The following DAB1 variants were observed in gnomAD, a reference collection of about 807,000 sequenced individuals.
The protein encoded by DAB1 is disabled homolog 1.
A neutral mutation model predicts 64.6 loss-of-function variants in DAB1; 15 were observed. The ratio of observed to expected loss-of-function variants is 0.23; its 90% confidence interval spans 0.16 to 0.36. DAB1 has a LOEUF of 0.36. Ranked by LOEUF, DAB1 falls within the 10% of genes least tolerant of loss-of-function variation. The pLI is 1.00. For missense variants in DAB1, 596 were observed against 706.7 expected (o/e 0.84, Z 1.78); for synonymous variants, 235 against 251.9 (o/e 0.93, Z 0.64).
chr1:57,508,044 C>T (rs1043742697), intron 7 of DAB1, among the ~76,000 whole-genome samples: 2 of 152,154 alleles, frequency 1.3e-5, no homozygotes, highest in African/African-American at 4.8e-5. Flanking sequence ...TTAACCAGCT[C>T]CCTGCATAAT....
chr1:58,430,782 C>G (rs752470255), intron 3 of DAB1, among the ~76,000 whole-genome samples: 1 of 152,184 alleles, frequency 6.6e-6, no homozygotes, highest in Non-Finnish European at 1.5e-5. Flanking sequence ...CTAAATAAAT[C>G]ACTATTATTC....
chr1:58,217,090 A>T (rs1039397970), intron 4 of DAB1, among the ~76,000 whole-genome samples: 1 of 152,240 alleles, frequency 6.6e-6, no homozygotes, highest in African/African-American at 2.4e-5. Context: ...CAGCAAGCAC[A>T]TAATAATTAG....
At chr1:57,712,449 T>C (rs939023966) in intron 6 of DAB1, among the ~76,000 whole-genome samples, 1 of 152,234 alleles carries the variant, frequency 6.6e-6, no homozygotes, top group Non-Finnish European at 1.5e-5. Context: ...TGTAACATAC[T>C]TTTTGGGAAT....
intron 5 of DAB1, among the ~76,000 whole-genome samples, chr1:58,017,078 A>G (rs1320752461): frequency 3.9e-5 from 6 of 152,018 alleles, no homozygotes; most frequent in Admixed American, 3.3e-4. Context: ...AATGGGAGGC[A>G]TATCTGTCCT....
At chr1:57,440,373 C>T (rs12758741) in intron 7 of DAB1, among the ~76,000 whole-genome samples, 5,444 of 152,260 alleles carry the variant, frequency 0.036, 123 homozygotes, top group South Asian at 0.061. Flanking sequence ...CCAATGTGGT[C>T]CTAATTCCAC....
chr1:57,776,833 T>G (rs940444173), intron 6 of DAB1, among the ~76,000 whole-genome samples: 16 of 151,860 alleles, frequency 1.1e-4, no homozygotes, highest in African/African-American at 3.9e-4. Context: ...AATGGTTTAT[T>G]TTTTTAATAA....
chr1:58,186,588 C>T (rs943938079), intron 4 of DAB1, among the ~76,000 whole-genome samples: 5 of 152,082 alleles, frequency 3.3e-5, no homozygotes, highest in Non-Finnish European at 5.9e-5. Flanking sequence ...ATTTAATTCT[C>T]AAAACAACTC....
chr1:58,091,025 C>T (rs1174135657), intron 5 of DAB1, among the ~76,000 whole-genome samples: 1 of 152,182 alleles, frequency 6.6e-6, no homozygotes, highest in Non-Finnish European at 1.5e-5. Context: ...CTCTGTTACA[C>T]CCTCTCCACA....
chr1:57,895,590 A>G lies in DAB1; in HGVS notation n.388-11428T>C, dbSNP rs753930265. Among the ~76,000 whole-genome samples the G allele has an allele frequency of 4.1e-4, 63 of 152,330 alleles. 1 individual carries two copies. The highest frequency in any genetic ancestry group is 6.0e-4 in the Non-Finnish European group (41 of 68,030). On this transcript the variant is annotated intron_variant and non_coding_transcript_variant, in intron 5 of 20. Coordinates refer to the DAB1 transcript ENST00000485760. ...ATACAGTGTAGCAAGAAAGGTTGAC[A>G]TATTCATAAAATAAGAAGTAATTAC... is the stretch of plus-strand genomic sequence containing the variant.
At chr1:57,628,651 AT>A (rs1645952206) in intron 7 of DAB1, among the ~76,000 whole-genome samples, 1 of 152,316 alleles carries the variant, frequency 6.6e-6, no homozygotes, top group South Asian at 2.1e-4. Context: ...ATTTGGTCAT[AT>A]ATGACCTTTG....
downstream of DAB1, among the ~76,000 whole-genome samples, chr1:57,824,017 T>G (rs2101897903): frequency 6.6e-6 from 1 of 152,334 alleles, no homozygotes; most frequent in African/African-American, 2.4e-5. Flanking sequence ...AATGTGCTGC[T>G]GATGATAATA....
intron 5 of DAB1, among the ~76,000 whole-genome samples, chr1:58,030,322 T>C (rs1447894279): frequency 6.6e-6 from 1 of 152,224 alleles, no homozygotes; most frequent in African/African-American, 2.4e-5. Context: ...ATTGATTTCT[T>C]GTTTGGGAAA....
intron 5 of DAB1, among the ~76,000 whole-genome samples, chr1:58,111,703 T>C (rs1651973526): frequency 6.6e-6 from 1 of 152,166 alleles, no homozygotes; most frequent in Non-Finnish European, 1.5e-5. Context: ...CTATCTCTTT[T>C]GTTCCATCCT....
At chr1:57,167,013 T>G (rs1661267095) in intron 2 of DAB1, among the ~76,000 whole-genome samples, 1 of 152,212 alleles carries the variant, frequency 6.6e-6, no homozygotes, top group Non-Finnish European at 1.5e-5. Flanking sequence ...CCATTCATAT[T>G]AAGTATGTCT....
At chr1:58,385,353 A>G (rs1438917982) in intron 3 of DAB1, among the ~76,000 whole-genome samples, 2 of 152,072 alleles carry the variant, frequency 1.3e-5, no homozygotes, top group Non-Finnish European at 2.9e-5. Context: ...ACCCTGTCTT[A>G]CTCTTGCATG....
At chr1:57,434,827 C>G (rs1364176683) in intron 7 of DAB1, among the ~76,000 whole-genome samples, 2 of 151,950 alleles carry the variant, frequency 1.3e-5, no homozygotes, top group South Asian at 2.1e-4. Context: ...AGTAAAAATA[C>G]AATATAAAAG....
intron 7 of DAB1, among the ~76,000 whole-genome samples, chr1:57,617,584 T>C (rs1645804503): frequency 6.6e-6 from 1 of 152,056 alleles, no homozygotes; most frequent in African/African-American, 2.4e-5. Flanking sequence ...AAGCAACACT[T>C]CCACTCCTTT....
At chr1:57,553,307 T>C (rs1270071438) in intron 7 of DAB1, among the ~76,000 whole-genome samples, 4 of 137,204 alleles carry the variant, frequency 2.9e-5, no homozygotes, top group East Asian at 2.1e-4. Context: ...GCAGTGGTAA[T>C]AGGAACCAAT....
chr1:57,253,226 C>T (rs1049665346), intron 2 of DAB1, among the ~76,000 whole-genome samples: 9 of 152,272 alleles, frequency 5.9e-5, no homozygotes, highest in Admixed American at 6.5e-5. Flanking sequence ...CACGGGAGGA[C>T]GGAAGGGTAG....
Sources: gnomAD v4.1 joint callset for allele counts (sites outside exome capture counted in the v4.1 genomes callset) on GRCh38, gnomAD v4.1.1 for gene constraint, MANE v1.5 for transcripts, NCBI Gene and HGNC (gene_info 2026-07-23, HGNC 2026-07-21) for gene names.